The following TBC1D9 variants were observed in gnomAD, a reference collection of about 807,000 sequenced individuals.
TBC1D9 encodes the protein TBC1 domain family member 9A.
A neutral mutation model predicts 132.0 loss-of-function variants in TBC1D9; 63 were observed. The observed-to-expected ratio is 0.48, with a 90% CI of 0.39 to 0.59. The LOEUF (loss-of-function observed/expected upper bound fraction) is 0.59. TBC1D9 is among the 20% of genes least tolerant of loss of function. The pLI, the probability that TBC1D9 is intolerant of heterozygous loss-of-function variation, is 0.00. For missense variants in TBC1D9, 1,261 were observed against 1,592.7 expected (o/e 0.79, Z 3.54); for synonymous variants, 610 against 609.9 (o/e 1.00, Z 0.00).
At chr4:140,655,106 CT>C (rs548340065) in intron 13 of TBC1D9, among the ~76,000 whole-genome samples, 3 of 151,662 alleles carry the variant, frequency 2.0e-5, no homozygotes, top group East Asian at 1.9e-4. Flanking sequence ...TTTAGAAGGA[CT>C]TTTTTTTAAA....
At chr4:140,676,839 C>T in intron 6 of TBC1D9, 55 bp downstream of exon 6, 1 of 1,592,090 alleles carries the variant, frequency 6.3e-7, no homozygotes, top group Non-Finnish European at 8.6e-7. Flanking sequence ...TCCTGGTTCA[C>T]CCAGAAAAGT....
In TBC1D9 at chr4:140,642,207, G is replaced by A. The variant is rs1378356078; in HGVS notation, c.2338-2779C>T. Reference sequence around the variant, plus strand: ...GGAGCTAGCCGGAGGGGCCTTGGGCGGGCCACTCTCCTTCAGGAATTCTTC... The same window carrying A: ...GGAGCTAGCCGGAGGGGCCTTGGGCAGGCCACTCTCCTTCAGGAATTCTTC... On this transcript the variant is annotated intron_variant, in intron 13 of 20. Coordinates refer to ENST00000442267, the MANE Select transcript of TBC1D9 (RefSeq NM_015130.3). 3.2e-5 allele frequency: 24 copies of A among 742,348 alleles called. No homozygotes were observed. In the South Asian group the frequency reaches 3.5e-4, roughly 11 times the overall value. 46.0% of individuals were successfully genotyped at this position (742,348 alleles called of 1,614,324 possible).
At chr4:140,639,268 G>T in intron 14 of TBC1D9, 62 bp downstream of exon 14, 1 of 1,483,238 alleles carries the variant, frequency 6.7e-7, no homozygotes, top group South Asian at 1.2e-5. Context: ...GGAATCCACA[G>T]CCAGCAGGAG....
intron 1 of TBC1D9, among the ~76,000 whole-genome samples, chr4:140,703,424 C>T (rs1396238332): frequency 6.6e-6 from 1 of 152,172 alleles, no homozygotes; most frequent in South Asian, 2.1e-4. Flanking sequence ...ACGGAAGGAG[C>T]CATAATCTAG....
In TBC1D9 at chr4:140,737,436, TTCTCTCTCTCTC is replaced by T. The variant is rs60339822; in HGVS notation, c.130+18468_130+18479del. On this transcript the variant is annotated intron_variant, in intron 1 of 20. Transcript: ENST00000442267. ...TAGCTCTCTCTCCCTGCACCCTCCC[TTCTCTCTCTCTC>T]TCTCTCTCTCTCTCTCTCACACACA... Among the ~76,000 whole-genome samples the T allele has an allele frequency of 1.4e-4, 21 of 147,312 alleles. No individual in the cohort carries two copies. The East Asian group carries it at 2.2e-3, about 16-fold the overall frequency.
chr4:140,710,234 G>A (rs1315721957), intron 1 of TBC1D9, among the ~76,000 whole-genome samples: 1 of 152,086 alleles, frequency 6.6e-6, no homozygotes, highest in Non-Finnish European at 1.5e-5. Context: ...TGTTTATCCC[G>A]AGGGGCACTG....
chr4:140,697,245 G>A (rs1020870123), intron 2 of TBC1D9, among the ~76,000 whole-genome samples: 3 of 152,144 alleles, frequency 2.0e-5, no homozygotes, highest in East Asian at 3.9e-4. Flanking sequence ...AGCAGGGCAC[G>A]GTGGTGTGTG....
chr4:140,627,347 T>C (rs1736724929), intron 18 of TBC1D9, 94 bp downstream of exon 18: 1 of 789,702 alleles, frequency 1.3e-6, no homozygotes, highest in African/African-American at 1.7e-5. Flanking sequence ...TACATACTTC[T>C]TTGATTGACT....
At position 140,679,075 on chromosome 4, in the gene TBC1D9, C is replaced by T. The variant is rs1285868842; in HGVS notation, c.718G>A (p.Glu240Lys). Reference sequence around the variant, plus strand: ...AGCTGCTCCATTAACTTGAAGGTCTCGTTGATGTTGAGGAATACAGAGAAG... The same window carrying T: ...AGCTGCTCCATTAACTTGAAGGTCTTGTTGATGTTGAGGAATACAGAGAAG... ...HFFSVFLNINETFKLMEQLAN... is the reference protein window; with the variant it reads ...HFFSVFLNINKTFKLMEQLAN... Residue 240 changes from glutamate (E) to lysine (K), a missense_variant, in exon 5 of 21, where the codon GAG becomes AAG. By Grantham distance (56) the Glu-to-Lys change is moderately conservative (BLOSUM62 1). Around this residue, in one of 3 missense-constraint regions of TBC1D9, gnomAD observed 550 missense variants for 699.0 expected, o/e 0.79. Coordinates refer to ENST00000442267, the MANE Select transcript of TBC1D9 (RefSeq NM_015130.3). 5.0e-6 allele frequency: 8 copies of T among 1,613,800 alleles called. No individual in the cohort carries two copies. Among genetic ancestry groups the T allele is most frequent in the African/African-American group, 1.3e-5 (1 of 74,900 alleles).
chr4:140,703,833 T>C (rs886088592), intron 1 of TBC1D9, among the ~76,000 whole-genome samples: 1 of 152,122 alleles, frequency 6.6e-6, no homozygotes, highest in African/African-American at 2.4e-5. Context: ...GGGGGTAGAG[T>C]TCCACATTAT....
intron 15 of TBC1D9, among the ~76,000 whole-genome samples, chr4:140,637,861 TC>T (rs1366787685): frequency 6.6e-6 from 1 of 152,206 alleles, no homozygotes; most frequent in African/African-American, 2.4e-5. Flanking sequence ...TTTCTGGGCT[TC>T]GGTTTCCTCG....
At chr4:140,737,954 A>T (rs1484930794) in intron 1 of TBC1D9, among the ~76,000 whole-genome samples, 2 of 152,218 alleles carry the variant, frequency 1.3e-5, no homozygotes, top group Admixed American at 6.5e-5. Flanking sequence ...GGACCTCCTG[A>T]AATTGCTACC....
At chr4:140,738,495 T>C (rs1366777877) in intron 1 of TBC1D9, among the ~76,000 whole-genome samples, 1 of 152,186 alleles carries the variant, frequency 6.6e-6, no homozygotes, top group Non-Finnish European at 1.5e-5. Context: ...CCCCTTTAAA[T>C]ATTGAAATTC....
chr4:140,707,824 T>C (rs918259788), intron 1 of TBC1D9, among the ~76,000 whole-genome samples: 1 of 152,146 alleles, frequency 6.6e-6, no homozygotes, highest in African/African-American at 2.4e-5. Context: ...ACCTAATGCA[T>C]GTGTCCCTGT....
intron 1 of TBC1D9, among the ~76,000 whole-genome samples, chr4:140,717,461 C>T (rs1035036929): frequency 2.0e-5 from 3 of 152,172 alleles, no homozygotes; most frequent in Non-Finnish European, 2.9e-5. Flanking sequence ...GCTAATTCAC[C>T]ATGCATAATC....
At chr4:140,746,610 G>A (rs1326988684) in intron 1 of TBC1D9, among the ~76,000 whole-genome samples, 2 of 152,156 alleles carry the variant, frequency 1.3e-5, no homozygotes, top group Non-Finnish European at 2.9e-5. Context: ...CATAATCATG[G>A]TGGAAGATGA....
At chr4:140,721,184 G>C (rs1452842297) in intron 1 of TBC1D9, among the ~76,000 whole-genome samples, 3 of 152,080 alleles carry the variant, frequency 2.0e-5, no homozygotes, top group Non-Finnish European at 4.4e-5. Context: ...TTATATTCTG[G>C]TTGGCTTTGT....
At chr4:140,744,021 C>T (rs1210941763) in intron 1 of TBC1D9, among the ~76,000 whole-genome samples, 1 of 152,088 alleles carries the variant, frequency 6.6e-6, no homozygotes, top group Non-Finnish European at 1.5e-5. Flanking sequence ...CATTCATTCC[C>T]ACGGTTTCTT....
At position 140,669,731 on chromosome 4, in the gene TBC1D9, C is replaced by T. The variant is rs866514499; in HGVS notation, c.1340G>A (p.Arg447His). The change falls in exon 8 of 21, where the codon CGC becomes CAC. Residue 447 changes from arginine to histidine, a missense_variant. Coordinates refer to ENST00000442267, the MANE Select transcript of TBC1D9 (RefSeq NM_015130.3). ...GCTGTTGCCATTTAGGTTAAACTGG[C>T]GCTCTCCATCAGCATCAGAGCTCGT... ...RSTSSDADGE[R>H]QFNLNGNSVP... 3.0e-5 allele frequency: 48 copies of T among 1,613,810 alleles called. No homozygotes were observed. The highest frequency in any genetic ancestry group is 4.5e-5 in the East Asian group (2 of 44,896).
Sources: gnomAD v4.1 joint callset for allele counts (sites outside exome capture counted in the v4.1 genomes callset) on GRCh38, gnomAD v4.1.1 for gene constraint, gnomAD v4.1.1 regional missense constraint, MANE v1.5 for transcripts, NCBI Gene and HGNC (gene_info 2026-07-23, HGNC 2026-07-21) for gene names.